ZNF587: variants seen among roughly 807,000 people sequenced by gnomAD.
The protein encoded by ZNF587 is zinc finger protein 587.
In ZNF587, 8 loss-of-function variants were observed where a neutral mutation model predicts 7.5. That is an observed-to-expected ratio of 1.06 (90% CI 0.62 to 1.92). The LOEUF (loss-of-function observed/expected upper bound fraction) is 1.92, where lower values mean the gene tolerates loss of function less well. Among genes scored for constraint, ZNF587 ranks in the 40% most tolerant of loss-of-function variants. ZNF587 has a pLI of 0.00. For synonymous variants in ZNF587, 145 were observed against 237.8 expected, an observed-to-expected ratio of 0.61 and a Z score of 3.59; for missense variants, 468 against 692.8, an observed-to-expected ratio of 0.68 and a Z score of 3.64.
chr19:57,856,209 A>C lies in ZNF587; in HGVS notation c.139A>C (p.Asn47His). The C allele has an allele frequency of 6.3e-7, 1 of 1,596,036 alleles. No individual in the cohort carries two copies. The highest frequency in any genetic ancestry group is 8.6e-7 in the Non-Finnish European group (1 of 1,168,416). The stretch of plus-strand genomic sequence containing the variant: ...CTTGTACCGTGATGTGATGCTAGAG[A>C]ACCTGGCTCTCATATCCTCGCTGGG... ...RCLYRDVMLE[N>H]LALISSLGCW... The change falls in exon 2 of 3, where the codon AAC (asparagine) becomes CAC (histidine). Residue 47 changes from asparagine to histidine, a missense_variant. Asn to His is a moderately conservative substitution (Grantham distance 68). Around this residue, in one of 5 missense-constraint regions of ZNF587, gnomAD observed 92 missense variants for 89.7 expected, o/e 1.03. Transcript: ENST00000339656.
Position 57,862,562 on chromosome 19 carries a change from C to G in ZNF587, c.*2422C>G, listed in dbSNP as rs1484093519. Reference sequence around the variant, plus strand: ...CTTTCTGCTGAAATGGCAGTTTCTTCTCAGCAAGGTGAGATTATGGAATCC... The same window carrying G: ...CTTTCTGCTGAAATGGCAGTTTCTTGTCAGCAAGGTGAGATTATGGAATCC... On this transcript the variant is annotated 3_prime_UTR_variant, in exon 3 of 3. Transcript: ENST00000339656. 6.5e-6 allele frequency: 1 copy of G among 154,806 alleles called. No homozygotes were observed. Among genetic ancestry groups the G allele is most frequent in the East Asian group, 1.9e-4 (1 of 5,204 alleles). 9.6% of individuals were successfully genotyped at this position (154,806 alleles called of 1,614,324 possible). A position where few individuals can be genotyped will look rare whatever the true frequency, so the allele number is the denominator to read the frequency against.
chr19:57,850,418 G>A (rs1394889882), intron 1 of ZNF587: 12 of 559,628 alleles, frequency 2.1e-5, no homozygotes, highest in Admixed American at 6.6e-5. Context: ...GAAGTGGGGA[G>A]TGCTGATCAG....
Position 57,849,892 on chromosome 19 carries a change from C to T in ZNF587, c.-147C>T. 2 of 1,530,122 alleles carry T rather than the reference C, an allele frequency of 1.3e-6. No homozygotes were observed. The highest frequency in any genetic ancestry group is 2.5e-5 in the South Asian group (2 of 81,328). 94.8% of individuals were successfully genotyped at this position (1,530,122 alleles called of 1,614,324 possible). On this transcript the variant is annotated 5_prime_UTR_variant, in exon 1 of 3. Transcript: ENST00000339656. ...CTGTGTATCGGCGATGCGGGTGTTT[C>T]CCCAGTTTGTGGCCCCTGAGTGCTG...
rs1248076604 is a variant in ZNF587 at position 57,864,564 on chromosome 19, A to AGC, written c.*4424_*4425insGC. ...TTAACAGTCTCAGCCCCTAAATGTC[A>AGC]CCTTGTATTACAGCATGTTATATAA... On this transcript the variant is annotated 3_prime_UTR_variant, in exon 3 of 3. Coordinates refer to ENST00000339656, the MANE Select transcript of ZNF587 (RefSeq NM_032828.4). 1.3e-5 allele frequency: 2 copies of AGC among 152,076 alleles called. No individual in the cohort carries two copies. The highest frequency in any genetic ancestry group is 1.3e-4 in the Admixed American group (2 of 15,256). 9.4% of individuals were successfully genotyped at this position (152,076 alleles called of 1,614,324 possible). A position where few individuals can be genotyped will look rare whatever the true frequency, so the allele number is the denominator to read the frequency against.
At chr19:57,851,366 C>T (rs1415456700) in intron 1 of ZNF587, 1 of 152,132 alleles carries the variant, frequency 6.6e-6, no homozygotes, top group South Asian at 2.1e-4. Flanking sequence ...CAGAGTGAAA[C>T]CATGAACTGA....
At chr19:57,855,255 G>A (rs1180007637) in intron 1 of ZNF587, among the ~76,000 whole-genome samples, 1 of 152,068 alleles carries the variant, frequency 6.6e-6, no homozygotes, top group Non-Finnish European at 1.5e-5. Context: ...TGAGGCACAA[G>A]AATCACTTGA....
chr19:57,850,128 C>A, intron 1 of ZNF587, 57 bp downstream of exon 1: 2 of 1,614,080 alleles, frequency 1.2e-6, no homozygotes, highest in East Asian at 2.2e-5. Flanking sequence ...AGGTCCTAAA[C>A]CAGCGAGGGA....
chr19:57,855,959 A>C, intron 1 of ZNF587, 145 bp from the exon 2 acceptor site: 1 of 1,401,648 alleles, frequency 7.1e-7, no homozygotes, highest in South Asian at 1.4e-5. Flanking sequence ...CAGGCCCATG[A>C]AGAGACAAAG....
chr19:57,856,912 C>T (rs552846293), intron 2 of ZNF587: 1 of 152,114 alleles, frequency 6.6e-6, no homozygotes, highest in Admixed American at 6.5e-5. Flanking sequence ...TTGTGCCTCC[C>T]TGTGCCAAGA....
At chr19:57,856,451 AG>A (rs1292423835) in intron 2 of ZNF587, among the ~76,000 whole-genome samples, 10 of 148,342 alleles carry the variant, frequency 6.7e-5, no homozygotes. Flanking sequence ...TCTGTCACCC[AG>A]GCTGGAGTAC....
intron 1 of ZNF587, chr19:57,852,057 G>A (rs1473387929): frequency 4.4e-5 from 14 of 318,744 alleles, no homozygotes; most frequent in East Asian, 2.9e-4. Flanking sequence ...CCCACACAGG[G>A]AAGTGGAGGG....
intron 1 of ZNF587, among the ~76,000 whole-genome samples, chr19:57,855,681 C>T (rs888685115): frequency 2.6e-5 from 4 of 151,712 alleles, no homozygotes; most frequent in Non-Finnish European, 5.9e-5. Context: ...CCGGCCTCAG[C>T]CTCCCGAGTA....
rs2071389993 is a variant in ZNF587 at position 57,858,254 on chromosome 19, G to A, written c.164-322G>A. On this transcript the variant is annotated intron_variant, in intron 2 of 2. Coordinates refer to ENST00000339656, the MANE Select transcript of ZNF587 (RefSeq NM_032828.4). ...TGATTCTCCTGCTTTAGCCTCCCGA[G>A]TAGCTGGGATTACAGGTGTCCACAA... The A allele has an allele frequency of 1.5e-5, 5 of 334,220 alleles. No homozygotes were observed. The South Asian group carries it at 1.6e-4, about 10-fold the overall frequency. The allele number at this position is 334,220 out of a possible 1,614,324, so 20.7% of individuals were successfully genotyped here. A position where few individuals can be genotyped will look rare whatever the true frequency, so the allele number is the denominator to read the frequency against.
At chr19:57,856,073 C>G (rs541602519) in intron 1 of ZNF587, 31 bp from the exon 2 acceptor site, 5 of 1,611,814 alleles carry the variant, frequency 3.1e-6, no homozygotes, top group Admixed American at 3.4e-5. Context: ...AGCAGAGGGG[C>G]TGCTTGTGGT....
In ZNF587 at chr19:57,860,019, T is replaced by G; in HGVS notation, c.1607T>G (p.Ile536Ser). 1 of 1,613,924 alleles carries G rather than the reference T, an allele frequency of 6.2e-7. No individual in the cohort carries two copies. Among genetic ancestry groups the G allele is most frequent in the Non-Finnish European group, 8.5e-7 (1 of 1,179,966 alleles). Residue 536 changes from isoleucine to serine, a missense_variant, in exon 3 of 3, where the codon ATT becomes AGT. Transcript: ENST00000339656. Reference protein sequence around the residue: ...GKSFSECSSLIKHRRIHTGER... With the variant: ...GKSFSECSSLSKHRRIHTGER... ...TCCTTTTCTGAATGTTCCAGTCTCA[T>G]TAAACACAGGAGAATTCACACTGGA...
chr19:57,850,435 T>G, intron 1 of ZNF587: 1 of 533,044 alleles, frequency 1.9e-6, no homozygotes, highest in Non-Finnish European at 3.3e-6. Context: ...TCAGTCTGGT[T>G]GGAGATGGAT....
chr19:57,857,586 A>G (rs1225863181), intron 2 of ZNF587, among the ~76,000 whole-genome samples: 1 of 151,626 alleles, frequency 6.6e-6, no homozygotes, highest in East Asian at 1.9e-4. Context: ...TTCTATATAT[A>G]TATAGATGTA....
At chr19:57,852,023 C>G (rs1024567728) in intron 1 of ZNF587, 11 of 271,224 alleles carry the variant, frequency 4.1e-5, no homozygotes, top group Non-Finnish European at 6.2e-5. Flanking sequence ...TCAGGCACTC[C>G]TGGCTGCAGA....
Position 57,860,771 on chromosome 19 carries a change from C to G in ZNF587, c.*631C>G, listed in dbSNP as rs2071423213. ...TTGTTTTTGTCTGTTATAAATGAAA[C>G]TGCTATATTTGAATGCAGTTGTTCA... On this transcript the variant is annotated 3_prime_UTR_variant, in exon 3 of 3. Coordinates refer to ENST00000339656, the MANE Select transcript of ZNF587 (RefSeq NM_032828.4). 6.5e-6 allele frequency: 1 copy of G among 154,074 alleles called. No individual in the cohort carries two copies. Among genetic ancestry groups the G allele is most frequent in the Non-Finnish European group, 1.4e-5 (1 of 69,392 alleles). The allele number at this position is 154,074 out of a possible 1,614,324, so 9.5% of individuals were successfully genotyped here.
Sources: gnomAD v4.1 joint callset for allele counts (sites outside exome capture counted in the v4.1 genomes callset) on GRCh38, gnomAD v4.1.1 for gene constraint, gnomAD v4.1.1 regional missense constraint, MANE v1.5 for transcripts, NCBI Gene and HGNC (gene_info 2026-07-23, HGNC 2026-07-21) for gene names.